The following IL1R2 variants were observed in gnomAD, a reference collection of about 807,000 sequenced individuals.
IL1R2 encodes interleukin 1 receptor type 2.
A neutral mutation model predicts 39.5 loss-of-function variants in IL1R2; 46 were observed. That is an observed-to-expected ratio of 1.16 (90% CI 0.92 to 1.49). The LOEUF (loss-of-function observed/expected upper bound fraction) is 1.49, where lower values mean the gene tolerates loss of function less well. IL1R2 is among the 40% of genes most tolerant of loss of function. The probability of loss-of-function intolerance (pLI) is 0.00; values close to 1 mark genes in which losing one functional copy is unlikely to be tolerated. For synonymous variants in IL1R2, 207 were observed against 189.6 expected (o/e 1.09, Z -0.75); for missense variants, 537 against 502.0 (o/e 1.07, Z -0.67).
rs1677871675 is a variant in IL1R2 at position 102,028,514 on chromosome 2, A to G, written c.*122A>G. On this transcript the variant is annotated 3_prime_UTR_variant, in exon 9 of 9. Coordinates refer to ENST00000332549, the MANE Select transcript of IL1R2 (RefSeq NM_004633.4). ...TGTCTACCAAAGGTGCCACATTTAT[A>G]GTGGCTTTGTAGTAAAGGACTAAAG... 1 of 816,182 alleles carries G rather than the reference A, an allele frequency of 1.2e-6. No individual in the cohort carries two copies. The allele number at this position is 816,182 out of a possible 1,614,324, so 50.6% of individuals were successfully genotyped here.
intron 7 of IL1R2, among the ~76,000 whole-genome samples, chr2:102,025,452 AT>A (rs1677672075): frequency 6.6e-6 from 1 of 152,248 alleles, no homozygotes; most frequent in African/African-American, 2.4e-5. Context: ...CTAAATGCCC[AT>A]CTCAGCTTAC....
At chr2:102,004,777 A>C (rs561379186) in intron 1 of IL1R2, among the ~76,000 whole-genome samples, 8 of 152,334 alleles carry the variant, frequency 5.3e-5, no homozygotes, top group Non-Finnish European at 1.0e-4. Context: ...GATTATTGAA[A>C]ACTGTCACTA....
At chr2:102,010,723 G>A (rs950441016) in intron 3 of IL1R2, among the ~76,000 whole-genome samples, 4 of 152,042 alleles carry the variant, frequency 2.6e-5, no homozygotes, top group Non-Finnish European at 1.5e-5. Context: ...CTCCCTCTTT[G>A]TCCTGTTGCT....
intron 8 of IL1R2, among the ~76,000 whole-genome samples, chr2:102,027,308 C>T (rs755082857): frequency 2.0e-5 from 3 of 152,144 alleles, no homozygotes; most frequent in Non-Finnish European, 4.4e-5. Context: ...CATTTACCCA[C>T]AAAAATCAGA....
At chr2:102,020,317 C>T (rs1677297458) in intron 5 of IL1R2, among the ~76,000 whole-genome samples, 1 of 152,174 alleles carries the variant, frequency 6.6e-6, no homozygotes, top group Non-Finnish European at 1.5e-5. Flanking sequence ...ATAGTCAGAG[C>T]TGCCATTGAT....
intron 3 of IL1R2, among the ~76,000 whole-genome samples, chr2:102,013,539 A>G (rs1483644010): frequency 7.0e-6 from 1 of 143,606 alleles, no homozygotes; most frequent in African/African-American, 2.6e-5. Flanking sequence ...AAAAAAAAAA[A>G]AAAAAAAAAA....
chr2:101,993,035 A>G (rs1675424119), intron 1 of IL1R2, among the ~76,000 whole-genome samples: 1 of 152,178 alleles, frequency 6.6e-6, no homozygotes, highest in Admixed American at 6.5e-5. Context: ...GTGGAATCTA[A>G]CACAAGATAG....
chr2:101,994,147 G>A (rs926929284), intron 1 of IL1R2, among the ~76,000 whole-genome samples: 6 of 152,154 alleles, frequency 3.9e-5, no homozygotes, highest in South Asian at 2.1e-4. Context: ...AAGGAAGCTC[G>A]GCTGAATGTT....
chr2:101,993,542 ATC>A (rs1675445281), intron 1 of IL1R2, among the ~76,000 whole-genome samples: 1 of 151,748 alleles, frequency 6.6e-6, no homozygotes, highest in African/African-American at 2.4e-5. Context: ...TGACTCCCAG[ATC>A]TCTCTGTCTG....
chr2:102,024,711 G>C (rs368435542), intron 7 of IL1R2, 43 bp downstream of exon 7: 8 of 1,611,866 alleles, frequency 5.0e-6, no homozygotes, highest in Non-Finnish European at 6.8e-6. Context: ...TGTGGGTTTC[G>C]CTCTTCCTTT....
intron 6 of IL1R2, among the ~76,000 whole-genome samples, chr2:102,023,067 C>T (rs1015716845): frequency 2.0e-5 from 3 of 152,230 alleles, no homozygotes; most frequent in African/African-American, 7.2e-5. Flanking sequence ...GCCTATAAAA[C>T]CTGCATCCTT....
At chr2:102,022,894 C>G (rs570822347) in intron 6 of IL1R2, among the ~76,000 whole-genome samples, 108 of 152,258 alleles carry the variant, frequency 7.1e-4, no homozygotes, top group African/African-American at 2.4e-3. Flanking sequence ...TATTGAGGAT[C>G]CACTATGTCC....
rs1286163884 is a variant in IL1R2, at chr2:102,028,104, A to G, written c.1031-122A>G. ...TGAGGGATGTGCTTTCTGAAAATCAATGCACATTTATCAAGAAAAACAAAC... is the reference window on the plus strand; with the variant it reads ...TGAGGGATGTGCTTTCTGAAAATCAGTGCACATTTATCAAGAAAAACAAAC... On this transcript the variant is annotated intron_variant, in intron 8 of 8. Coordinates refer to ENST00000332549, the MANE Select transcript of IL1R2 (RefSeq NM_004633.4). 5 of 768,964 alleles carry G rather than the reference A, an allele frequency of 6.5e-6. No homozygotes were observed. The South Asian group carries it at 8.3e-5, about 13-fold the overall frequency. 47.6% of individuals were successfully genotyped at this position (768,964 alleles called of 1,614,324 possible). A position where few individuals can be genotyped will look rare whatever the true frequency, so the allele number is the denominator to read the frequency against.
At chr2:102,021,497 G>A (rs950688997) in intron 5 of IL1R2, among the ~76,000 whole-genome samples, 11 of 151,966 alleles carry the variant, frequency 7.2e-5, no homozygotes, top group African/African-American at 2.4e-4. Context: ...TGTATTTTTA[G>A]TAGAGACAGG....
intron 2 of IL1R2, 22 bp downstream of exon 2, chr2:102,008,664 T>A (rs879156585): frequency 1.9e-6 from 3 of 1,603,206 alleles, no homozygotes; most frequent in East Asian, 2.2e-5. Flanking sequence ...ACCTTTCAGA[T>A]GCAAAAAGGC....
intron 1 of IL1R2, among the ~76,000 whole-genome samples, chr2:101,995,870 G>C (rs1406642245): frequency 1.3e-5 from 2 of 152,190 alleles, no homozygotes; most frequent in South Asian, 4.1e-4. Flanking sequence ...GGAGGGTGGA[G>C]ATTATTCCTA....
At chr2:102,015,059 T>C (rs1349169126) in intron 3 of IL1R2, among the ~76,000 whole-genome samples, 1 of 152,152 alleles carries the variant, frequency 6.6e-6, no homozygotes, top group Non-Finnish European at 1.5e-5. Flanking sequence ...ACACTAAGTT[T>C]CCAGCAGTTT....
intron 5 of IL1R2, among the ~76,000 whole-genome samples, chr2:102,020,942 G>T (rs1365625266): frequency 6.6e-6 from 1 of 152,182 alleles, no homozygotes; most frequent in Admixed American, 6.5e-5. Flanking sequence ...CCTACTGATT[G>T]AAACTGGAGT....
At chr2:102,003,901 CTCTG>C (rs1676091234) in intron 1 of IL1R2, among the ~76,000 whole-genome samples, 1 of 151,702 alleles carries the variant, frequency 6.6e-6, no homozygotes, top group African/African-American at 2.4e-5. Context: ...GTGTCTGTGT[CTCTG>C]TCTGTGTCTA....
Sources: allele counts gnomAD v4.1 joint callset (sites outside exome capture counted in the v4.1 genomes callset), GRCh38; gene constraint gnomAD v4.1.1; transcripts MANE v1.5; gene names NCBI Gene and HGNC (gene_info 2026-07-23, HGNC 2026-07-21).